The following ZNF423 variants were observed in gnomAD, a reference collection of about 807,000 sequenced individuals.
ZNF423 encodes the protein Ebf-associated zinc finger protein.
A neutral mutation model predicts 95.8 loss-of-function variants in ZNF423; 12 were observed. That is an observed-to-expected ratio of 0.13 (90% confidence interval 0.08 to 0.20). The LOEUF is 0.20. Among genes scored for constraint, ZNF423 ranks in the 10% least tolerant of loss-of-function variants. The probability of loss-of-function intolerance (pLI) is 1.00; values close to 1 mark genes in which losing one functional copy is unlikely to be tolerated. For synonymous variants in ZNF423, 749 were observed against 711.9 expected, an observed-to-expected ratio of 1.05 and a Z score of -0.83; for missense variants, 1,316 against 1,737.1, an observed-to-expected ratio of 0.76 and a Z score of 4.31.
intron 2 of ZNF423, among the ~76,000 whole-genome samples, chr16:49,754,076 T>C (rs1484160029): frequency 6.7e-6 from 1 of 150,182 alleles, no homozygotes; most frequent in Non-Finnish European, 1.5e-5. Context: ...GGAAGAATAG[T>C]TTGTTTATGC....
intron 3 of ZNF423, among the ~76,000 whole-genome samples, chr16:49,651,206 T>G (rs865855118): frequency 4.0e-5 from 6 of 150,560 alleles, no homozygotes; most frequent in Admixed American, 1.3e-4. Flanking sequence ...TTTTTTTTTT[T>G]GTAGAGACAG....
intron 3 of ZNF423, among the ~76,000 whole-genome samples, chr16:49,685,984 A>G (rs1376075290): frequency 6.6e-6 from 1 of 152,042 alleles, no homozygotes; most frequent in Non-Finnish European, 1.5e-5. Flanking sequence ...CATAATTTCT[A>G]TTCATTGTTT....
At chr16:49,859,063 G>T (rs1272797674), upstream of ZNF423, among the ~76,000 whole-genome samples, 1 of 152,194 alleles carries the variant, frequency 6.6e-6, no homozygotes, top group African/African-American at 2.4e-5. Flanking sequence ...CTGCCCAGCC[G>T]GGAGTCTGGA....
chr16:49,822,849 C>T (rs1597042653), intron 1 of ZNF423: 1 of 746,528 alleles, frequency 1.3e-6, no homozygotes, highest in Non-Finnish European at 2.1e-6. Context: ...GAGGCTCAGA[C>T]TACTTAACGA....
At chr16:49,690,164 T>C (rs1029193262) in intron 3 of ZNF423, among the ~76,000 whole-genome samples, 1 of 152,224 alleles carries the variant, frequency 6.6e-6, no homozygotes, top group African/African-American at 2.4e-5. Flanking sequence ...CTCATCGCCA[T>C]GCAAGAGAGG....
chr16:49,809,516 C>T (rs2034717986), intron 1 of ZNF423, among the ~76,000 whole-genome samples: 1 of 152,190 alleles, frequency 6.6e-6, no homozygotes, highest in African/African-American at 2.4e-5. Context: ...GGAACTCACA[C>T]CCAGGTCCTG....
chr16:49,565,100 A>T (rs141933574), intron 5 of ZNF423, among the ~76,000 whole-genome samples: 21 of 152,234 alleles, frequency 1.4e-4, no homozygotes, highest in African/African-American at 3.4e-4. Context: ...AATACACTTC[A>T]TTCTGGGGCT....
chr16:49,778,917 T>C (rs1329645700), intron 2 of ZNF423, among the ~76,000 whole-genome samples: 1 of 152,186 alleles, frequency 6.6e-6, no homozygotes, highest in Non-Finnish European at 1.5e-5. Context: ...ACAATGGCCT[T>C]AGGAAGTAGA....
intron 2 of ZNF423, among the ~76,000 whole-genome samples, chr16:49,740,399 C>A (rs1463169743): frequency 6.6e-6 from 1 of 152,152 alleles, no homozygotes; most frequent in Non-Finnish European, 1.5e-5. Flanking sequence ...GGGCAAAGAG[C>A]CCACCAACCC....
chr16:49,819,509 G>A (rs530297983), intron 1 of ZNF423, among the ~76,000 whole-genome samples: 16 of 151,978 alleles, frequency 1.1e-4, no homozygotes, highest in African/African-American at 3.4e-4. Flanking sequence ...GTGCAGTGAT[G>A]TGATCTCAGC....
intron 2 of ZNF423, among the ~76,000 whole-genome samples, chr16:49,731,750 C>T (rs76262842): frequency 0.01 from 1,524 of 152,082 alleles, 13 homozygotes; most frequent in Non-Finnish European, 0.017. Flanking sequence ...TTCGAGGTTA[C>T]GGGGAACTAT....
chr16:49,647,600 C>A (rs1245918415), intron 3 of ZNF423, among the ~76,000 whole-genome samples: 1 of 152,106 alleles, frequency 6.6e-6, no homozygotes, highest in Non-Finnish European at 1.5e-5. Context: ...AAGGACCCAA[C>A]CAGCAATTAC....
intron 5 of ZNF423, among the ~76,000 whole-genome samples, chr16:49,560,783 G>A (rs569292466): frequency 1.3e-5 from 2 of 152,294 alleles, no homozygotes; most frequent in South Asian, 2.1e-4. Context: ...GAGGCGAGTC[G>A]GCCGAGTACG....
chr16:49,531,585 G>T (rs1351627138), intron 5 of ZNF423, among the ~76,000 whole-genome samples: 1 of 152,196 alleles, frequency 6.6e-6, no homozygotes, highest in Admixed American at 6.5e-5. Context: ...GAGGAGGGCA[G>T]GTGATAATAT....
In ZNF423 at chr16:49,779,566, G is replaced by T. The variant is rs557911658; in HGVS notation, c.100+9921C>A. Among the ~76,000 whole-genome samples the T allele has an allele frequency of 2.0e-5, 3 of 152,242 alleles. No homozygotes were observed. The South Asian group carries it at 6.2e-4, about 32-fold the overall frequency. ...TGCAAACCACCCCAGGACGCACAAGGCTGGGCAACACTGGAGGGAGCAGGA... is the reference window on the plus strand; with the variant it reads ...TGCAAACCACCCCAGGACGCACAAGTCTGGGCAACACTGGAGGGAGCAGGA... On this transcript the variant is annotated intron_variant, in intron 2 of 7. Coordinates refer to ENST00000563137, the MANE Select transcript of ZNF423 (RefSeq NM_001379286.1).
chr16:49,491,259 C>T lies in ZNF423; in HGVS notation c.*16G>A. The T allele has an allele frequency of 1.9e-6, 3 of 1,614,102 alleles. No homozygotes were observed. The highest frequency in any genetic ancestry group is 2.5e-6 in the Non-Finnish European group (3 of 1,180,042). On this transcript the variant is annotated 3_prime_UTR_variant, in exon 8 of 8. Transcript: ENST00000563137. ...CGGCAAGCCTTCTGCGGAGAGGTGT[C>T]CTGTTGAGCGATCCCTCACTGTGCG...
chr16:49,547,498 A>G (rs879639250), intron 5 of ZNF423, among the ~76,000 whole-genome samples: 7 of 152,238 alleles, frequency 4.6e-5, no homozygotes, highest in Non-Finnish European at 8.8e-5. Context: ...CAGGATGGTA[A>G]CAAAGGTTCT....
chr16:49,618,943 C>G (rs1234962055), intron 5 of ZNF423, among the ~76,000 whole-genome samples: 1 of 152,162 alleles, frequency 6.6e-6, no homozygotes, highest in African/African-American at 2.4e-5. Flanking sequence ...CCTACTCTAC[C>G]TCATCCCCTT....
At chr16:49,625,487 C>A (rs974163846) in intron 5 of ZNF423, among the ~76,000 whole-genome samples, 6 of 152,202 alleles carry the variant, frequency 3.9e-5, no homozygotes, top group Non-Finnish European at 4.4e-5. Context: ...CTCCCAGGCC[C>A]CAGCCCATCC....
Sources: allele counts gnomAD v4.1 joint callset (sites outside exome capture counted in the v4.1 genomes callset), GRCh38; gene constraint gnomAD v4.1.1; transcripts MANE v1.5; gene names NCBI Gene and HGNC (gene_info 2026-07-23, HGNC 2026-07-21).